L3MBTL3: variants seen among roughly 807,000 people sequenced by gnomAD.
L3MBTL3 encodes L3MBTL histone methyl-lysine binding protein 3, also known as lethal(3)malignant brain tumor-like protein 3.
A neutral mutation model predicts 102.3 loss-of-function variants in L3MBTL3; 27 were observed. The observed-to-expected ratio is 0.26, with a 90% CI of 0.19 to 0.36. The LOEUF is 0.36. Ranked by LOEUF, L3MBTL3 falls within the 10% of genes least tolerant of loss-of-function variation. The pLI is 1.00. For missense variants in L3MBTL3, 798 were observed against 955.3 expected (o/e 0.84, Z 2.17); for synonymous variants, 340 against 320.9 (o/e 1.06, Z -0.64).
At chr6:130,047,740 G>GT (rs972514902) in intron 3 of L3MBTL3, among the ~76,000 whole-genome samples, 6 of 152,038 alleles carry the variant, frequency 3.9e-5, no homozygotes, top group African/African-American at 1.4e-4. Context: ...ATGGTAGTTT[G>GT]TTTTTTCTGC....
At chr6:130,112,736 G>A (rs1785432597) in intron 19 of L3MBTL3, among the ~76,000 whole-genome samples, 1 of 39,362 alleles carries the variant, frequency 2.5e-5, no homozygotes, top group South Asian at 3.6e-4. Context: ...GAATCCACCT[G>A]GTATGCCGAA....
chr6:130,136,245 C>G, intron 22 of L3MBTL3, among the ~76,000 whole-genome samples: 1 of 152,218 alleles, frequency 6.6e-6, no homozygotes. Flanking sequence ...AACCATGTCA[C>G]TCCTCTGTTC....
At chr6:130,090,283 G>A (rs1163804531) in intron 16 of L3MBTL3, among the ~76,000 whole-genome samples, 2 of 151,974 alleles carry the variant, frequency 1.3e-5, no homozygotes, top group Non-Finnish European at 2.9e-5. Flanking sequence ...CTGATGATGG[G>A]CACTGTGGTA....
At position 130,057,473 on chromosome 6, in the gene L3MBTL3, A is replaced by C. The variant is rs984155149; in HGVS notation, c.735A>C (p.Ala245=). 1 of 1,610,112 alleles carries C rather than the reference A, an allele frequency of 6.2e-7. No homozygotes were observed. Residue 245 remains alanine, a synonymous_variant, in exon 9 of 23, where the codon GCA becomes GCC. Coordinates refer to ENST00000361794, the MANE Select transcript of L3MBTL3 (RefSeq NM_032438.4). Reference sequence around the variant, plus strand: ...ACCTGGAAGAGGAGAAAGCGGTGGCAGTGCCGGCGAAGCTGTTCAAGGAGG... The same window carrying C: ...ACCTGGAAGAGGAGAAAGCGGTGGCCGTGCCGGCGAAGCTGTTCAAGGAGG... ...ASYLEEEKAV[A]VPAKLFKEHQ... is the part of the protein sequence containing the mutation.
intron 7 of L3MBTL3, among the ~76,000 whole-genome samples, chr6:130,053,402 G>A (rs1340350729): frequency 6.6e-6 from 1 of 152,148 alleles, no homozygotes; most frequent in Non-Finnish European, 1.5e-5. Flanking sequence ...TTGGGAGGCC[G>A]AGGCCGGCAG....
At chr6:130,025,585 G>C (rs976312405) in intron 2 of L3MBTL3, among the ~76,000 whole-genome samples, 5 of 152,130 alleles carry the variant, frequency 3.3e-5, no homozygotes, top group Non-Finnish European at 7.4e-5. Context: ...ATCTTTGAGA[G>C]GAACTTGAGT....
At chr6:130,102,681 G>A (rs1364155495) in intron 18 of L3MBTL3, among the ~76,000 whole-genome samples, 1 of 152,042 alleles carries the variant, frequency 6.6e-6, no homozygotes, top group Non-Finnish European at 1.5e-5. Context: ...AGCTTTTCCT[G>A]TTGGCACTGC....
At chr6:130,069,660 C>G (rs902403480) in intron 12 of L3MBTL3, among the ~76,000 whole-genome samples, 1 of 152,218 alleles carries the variant, frequency 6.6e-6, no homozygotes, top group African/African-American at 2.4e-5. Context: ...GAAAACTTAG[C>G]AGCCTGCTGT....
At chr6:130,116,495 G>A (rs771943806) in intron 19 of L3MBTL3, among the ~76,000 whole-genome samples, 9 of 152,166 alleles carry the variant, frequency 5.9e-5, no homozygotes, top group Non-Finnish European at 1.2e-4. Context: ...TGCAGTGTGG[G>A]TAATCTCAAT....
At chr6:130,139,173 G>GA (rs11380610) in intron 22 of L3MBTL3, among the ~76,000 whole-genome samples, 77,470 of 148,880 alleles carry the variant, frequency 0.52, 20,171 homozygotes, top group East Asian at 0.74. Context: ...GCTAATTCTG[G>GA]AAAAAAAAAA....
chr6:130,037,947 T>C (rs9402212), intron 2 of L3MBTL3, among the ~76,000 whole-genome samples: 150,776 of 151,992 alleles, frequency 0.99, 74,787 homozygotes, highest in Middle Eastern at 1. Flanking sequence ...ACCCCCTTCC[T>C]AGCCTCTAGT....
intron 5 of L3MBTL3, among the ~76,000 whole-genome samples, chr6:130,050,775 A>G (rs1781045713): frequency 6.6e-6 from 1 of 152,228 alleles, no homozygotes. Flanking sequence ...CACAATTTGG[A>G]TAGCTATGAG....
chr6:130,039,284 C>A (rs1239348745), intron 2 of L3MBTL3, among the ~76,000 whole-genome samples: 2 of 152,040 alleles, frequency 1.3e-5, no homozygotes, highest in African/African-American at 2.4e-5. Flanking sequence ...AACAACTCCT[C>A]TTTTAAAAGT....
intron 19 of L3MBTL3, among the ~76,000 whole-genome samples, chr6:130,107,607 A>C (rs899396213): frequency 6.6e-6 from 1 of 152,130 alleles, no homozygotes; most frequent in African/African-American, 2.4e-5. Context: ...TCTAGGTGCT[A>C]TACTTGGTGT....
At chr6:130,125,743 G>A (rs1786556419) in intron 20 of L3MBTL3, among the ~76,000 whole-genome samples, 1 of 152,082 alleles carries the variant, frequency 6.6e-6, no homozygotes, top group East Asian at 1.9e-4. Flanking sequence ...GGTGGCCTGG[G>A]GTTGGGAGAG....
At chr6:130,026,282 A>G (rs1482213990) in intron 2 of L3MBTL3, among the ~76,000 whole-genome samples, 3 of 152,042 alleles carry the variant, frequency 2.0e-5, no homozygotes, top group Non-Finnish European at 4.4e-5. Flanking sequence ...TCATACTTTC[A>G]CTAACCTTGA....
At chr6:130,035,965 T>C (rs899499979) in intron 2 of L3MBTL3, among the ~76,000 whole-genome samples, 2 of 138,452 alleles carry the variant, frequency 1.4e-5, no homozygotes, top group African/African-American at 5.5e-5. Flanking sequence ...ATTGTGACTC[T>C]CTTACCTACC....
intron 3 of L3MBTL3, among the ~76,000 whole-genome samples, chr6:130,048,969 C>CACACACACACACAT (rs1471238624): frequency 1.3e-5 from 2 of 151,672 alleles, no homozygotes; most frequent in East Asian, 3.9e-4. Flanking sequence ...CACACACACA[C>CACACACACACACAT]ATACACACAC....
chr6:130,047,040 T>A (rs902174251), intron 3 of L3MBTL3, among the ~76,000 whole-genome samples: 7 of 152,210 alleles, frequency 4.6e-5, no homozygotes, highest in African/African-American at 1.4e-4. Context: ...TGACAGAATA[T>A]TTTGAAAATG....
Sources: gnomAD v4.1 joint callset for allele counts (sites outside exome capture counted in the v4.1 genomes callset) on GRCh38, gnomAD v4.1.1 for gene constraint, MANE v1.5 for transcripts, NCBI Gene and HGNC (gene_info 2026-07-23, HGNC 2026-07-21) for gene names.